EBF4: variants seen among roughly 807,000 people sequenced by gnomAD.
EBF4 encodes transcription factor COE4.
A neutral mutation model predicts 67.1 loss-of-function variants in EBF4; 34 were observed. That is an observed-to-expected ratio of 0.51 (90% CI 0.39 to 0.67). The LOEUF is 0.67. Ranked by LOEUF, EBF4 falls within the 30% of genes least tolerant of loss-of-function variation. The pLI, the probability that EBF4 is intolerant of heterozygous loss-of-function variation, is 0.00. For missense variants in EBF4, 837 were observed against 873.3 expected (o/e 0.96, Z 0.52); for synonymous variants, 387 against 377.7 (o/e 1.02, Z -0.29).
downstream of EBF4, chr20:2,759,584 T>C (rs2088295396): frequency 6.4e-6 from 1 of 156,094 alleles, no homozygotes; most frequent in South Asian, 2.0e-4. Flanking sequence ...AGATGGATCT[T>C]GTGCAGACCA....
Position 2,694,612 on chromosome 20 carries a change from G to C in EBF4, c.137+830G>C, listed in dbSNP as rs140035357. 4.1e-4 allele frequency among the ~76,000 whole-genome samples: 62 copies of C among 152,290 alleles called. 2 individuals are homozygous for C. In the South Asian group the frequency reaches 8.3e-3, roughly 20 times the overall value. On this transcript the variant is annotated intron_variant, in intron 1 of 16. Transcript: ENST00000609451. ...AGGTATCCTATGGGGAGTCACAGTG[G>C]TTAGGATTAGGGAGGTGCCAGCTCT... is the stretch of plus-strand genomic sequence containing the variant.
intron 1 of EBF4, among the ~76,000 whole-genome samples, chr20:2,703,837 C>T (rs781363209): frequency 1.3e-5 from 2 of 152,164 alleles, no homozygotes; most frequent in Non-Finnish European, 2.9e-5. Flanking sequence ...GGATCAGGGC[C>T]TCTCATGAGG....
chr20:2,733,221 T>A (rs2087837406), intron 6 of EBF4, among the ~76,000 whole-genome samples: 1 of 152,238 alleles, frequency 6.6e-6, no homozygotes, highest in African/African-American at 2.4e-5. Flanking sequence ...ACACAATATA[T>A]CATCTCACTG....
intron 6 of EBF4, among the ~76,000 whole-genome samples, 180 bp from the exon 7 acceptor site, chr20:2,748,359 ATGGGTCTGTC>A (rs923237312): frequency 2.0e-5 from 3 of 152,040 alleles, no homozygotes; most frequent in African/African-American, 7.3e-5. Context: ...TGTCATTGTG[ATGGGTCTGTC>A]TGGTGTGTAT....
chr20:2,751,578 G>A lies in EBF4; in HGVS notation c.1019-122G>A. 1 of 989,122 alleles carries A rather than the reference G, an allele frequency of 1.0e-6. No homozygotes were observed. The highest frequency in any genetic ancestry group is 1.6e-5 in the African/African-American group (1 of 61,766). 61.3% of individuals were successfully genotyped at this position (989,122 alleles called of 1,614,324 possible). On this transcript the variant is annotated intron_variant, in intron 10 of 16. Transcript: ENST00000609451. This position sits in a 1 kb window ranked among gnomAD's most constrained non-coding sequence, Gnocchi z 5.2. ...TTCCGGGGGACTTGGGCTGGGCCTGGTGGAGGGGGCTGCAGCGAGGCTCTC... is the reference window on the plus strand; with the variant it reads ...TTCCGGGGGACTTGGGCTGGGCCTGATGGAGGGGGCTGCAGCGAGGCTCTC...
chr20:2,742,793 A>AC, intron 6 of EBF4, among the ~76,000 whole-genome samples: 1 of 151,752 alleles, frequency 6.6e-6, no homozygotes, highest in East Asian at 1.9e-4. Flanking sequence ...CTCAGAGAAC[A>AC]CCCCCAGGCT....
At chr20:2,728,856 G>C (rs1215424213) in intron 6 of EBF4, among the ~76,000 whole-genome samples, 1 of 151,940 alleles carries the variant, frequency 6.6e-6, no homozygotes, top group African/African-American at 2.4e-5. Flanking sequence ...TTCCTTCAAT[G>C]GTGGGAATGG....
intron 6 of EBF4, among the ~76,000 whole-genome samples, chr20:2,721,269 T>A (rs2087677330): frequency 7.0e-6 from 1 of 142,456 alleles, no homozygotes; most frequent in African/African-American, 2.7e-5. Context: ...TTTTTTTGGA[T>A]TTTTTTCCCT....
At chr20:2,722,087 T>C (rs761234437) in intron 6 of EBF4, among the ~76,000 whole-genome samples, 4 of 152,182 alleles carry the variant, frequency 2.6e-5, no homozygotes, top group Non-Finnish European at 4.4e-5. Flanking sequence ...TTTTTTGAGA[T>C]GGGAGTCTCA....
At chr20:2,708,494 G>T (rs1290816613) in intron 5 of EBF4, among the ~76,000 whole-genome samples, 5 of 152,174 alleles carry the variant, frequency 3.3e-5, no homozygotes, top group African/African-American at 1.2e-4. Context: ...TTCTAGTAAG[G>T]TCTCCCCAAG....
chr20:2,750,352 C>G (rs1014960105), intron 10 of EBF4, among the ~76,000 whole-genome samples: 21 of 152,208 alleles, frequency 1.4e-4, no homozygotes, highest in African/African-American at 5.1e-4. Context: ...GGGGTCGCTG[C>G]TCCCCGAATC....
At chr20:2,729,611 T>C (rs547907672) in intron 6 of EBF4, among the ~76,000 whole-genome samples, 66 of 152,180 alleles carry the variant, frequency 4.3e-4, no homozygotes, top group African/African-American at 1.5e-3. Context: ...CCTACCACAG[T>C]TCCTATTTTT....
At chr20:2,699,281 T>C (rs1173842173) in intron 1 of EBF4, among the ~76,000 whole-genome samples, 1 of 152,198 alleles carries the variant, frequency 6.6e-6, no homozygotes, top group Non-Finnish European at 1.5e-5. Flanking sequence ...CAGGTTGCCC[T>C]TGGTGTTGAC....
At chr20:2,757,726 C>T (rs1404969737) in intron 15 of EBF4, among the ~76,000 whole-genome samples, 1 of 152,284 alleles carries the variant, frequency 6.6e-6, no homozygotes, top group East Asian at 1.9e-4. Context: ...GTGGGCAGAT[C>T]GCTTGAGATC....
chr20:2,693,510 GCGC>G, upstream of EBF4: 1 of 1,081,682 alleles, frequency 9.2e-7, no homozygotes, highest in Non-Finnish European at 1.2e-6. The surrounding 1 kb of genome is among the most constrained non-coding windows in gnomAD (Gnocchi z 4.6). Flanking sequence ...AGAGGCGAGC[GCGC>G]ACTGAGCCAC....
At position 2,731,574 on chromosome 20, in the gene EBF4, A is replaced by T. The variant is rs369138067; in HGVS notation, c.558-16975A>T. Among the ~76,000 whole-genome samples the T allele has an allele frequency of 1.6e-4, 25 of 152,280 alleles. No homozygotes were observed. In the East Asian group the frequency reaches 4.4e-3, roughly 27 times the overall value. Reference sequence around the variant, plus strand: ...ATGGGCATCCCTCAACCTAGGTAAGACTCAGAGGGTTCTATCATGAAAAGA... The same window carrying T: ...ATGGGCATCCCTCAACCTAGGTAAGTCTCAGAGGGTTCTATCATGAAAAGA... On this transcript the variant is annotated intron_variant, in intron 6 of 16. Coordinates refer to ENST00000609451, the Ensembl canonical transcript of EBF4.
At position 2,707,385 on chromosome 20, in the gene EBF4, G is replaced by T. The variant is rs1247354600; in HGVS notation, c.415-562G>T. On this transcript the variant is annotated intron_variant, in intron 4 of 16. Transcript: ENST00000609451. The surrounding 1 kb of genome is among the most constrained non-coding windows in gnomAD (Gnocchi z 4.6). ...GGGAGGCTGGAAGACTGGTGAGGAG[G>T]TGATGCAGCAGTCCCAGGGGAAGAC... Among the ~76,000 whole-genome samples, 1 of 152,156 alleles carries T rather than the reference G, an allele frequency of 6.6e-6. No homozygotes were observed. The highest frequency in any genetic ancestry group is 1.5e-5 in the Non-Finnish European group (1 of 68,016).
chr20:2,714,283 C>CTTCCTTCCTTCCTTCT (rs1029584830), intron 6 of EBF4, among the ~76,000 whole-genome samples: 1 of 151,020 alleles, frequency 6.6e-6, no homozygotes, highest in African/African-American at 2.4e-5. Context: ...TTTCTCCTTC[C>CTTCCTTCCTTCCTTCT]TTCCTTCCTT....
Position 2,752,887 on chromosome 20 carries a change from C to T in EBF4, c.1540+342C>T, listed in dbSNP as rs563296378. Among the ~76,000 whole-genome samples, 6 of 152,328 alleles carry T rather than the reference C, an allele frequency of 3.9e-5. No homozygotes were observed. The East Asian group carries it at 9.7e-4, about 25-fold the overall frequency. On this transcript the variant is annotated intron_variant, in intron 14 of 16. Transcript: ENST00000609451. The stretch of plus-strand genomic sequence containing the variant: ...GTCCATCTGAAACCTGGGACACCGC[C>T]CCCTTCCCATCTCGCGCCCGGACTT...
Sources: gnomAD v4.1 joint callset for allele counts (sites outside exome capture counted in the v4.1 genomes callset) on GRCh38, gnomAD v4.1.1 for gene constraint, Gnocchi (gnomAD v3.1) non-coding constraint, MANE v1.5 for transcripts, NCBI Gene and HGNC (gene_info 2026-07-23, HGNC 2026-07-21) for gene names.